NCKAP5: variants seen among roughly 807,000 people sequenced by gnomAD.
NCKAP5 encodes the protein nck-associated protein 5.
In NCKAP5, 92 loss-of-function variants were observed where a neutral mutation model predicts 167.0. The ratio of observed to expected loss-of-function variants is 0.55; its 90% CI spans 0.47 to 0.66. The LOEUF is 0.66. Ranked by LOEUF, NCKAP5 falls within the 30% of genes least tolerant of loss-of-function variation. NCKAP5 has a pLI of 0.00. For missense variants in NCKAP5, 2,378 were observed against 2,315.0 expected (o/e 1.03, Z -0.56); for synonymous variants, 891 against 877.4 (o/e 1.02, Z -0.27).
intron 3 of NCKAP5, among the ~76,000 whole-genome samples, chr2:133,514,070 G>C (rs1166635359): frequency 6.6e-6 from 1 of 152,140 alleles, no homozygotes; most frequent in African/African-American, 2.4e-5. Flanking sequence ...TCAAGAAGAG[G>C]ACTCGATTTC....
intron 5 of NCKAP5, among the ~76,000 whole-genome samples, chr2:133,151,444 C>T (rs1451904009): frequency 2.6e-5 from 4 of 151,958 alleles, no homozygotes; most frequent in African/African-American, 9.7e-5. Context: ...ATGCTTACAG[C>T]TCAACAATAA....
intron 10 of NCKAP5, among the ~76,000 whole-genome samples, chr2:132,867,880 G>A (rs1426414856): frequency 6.6e-6 from 1 of 152,078 alleles, no homozygotes; most frequent in Non-Finnish European, 1.5e-5. Flanking sequence ...CTACGTAAGT[G>A]TACTCAAATC....
rs1039944133 is a variant in NCKAP5, at chr2:133,343,110, T to C, written c.70-40000A>G. 3.6e-4 allele frequency among the ~76,000 whole-genome samples: 55 copies of C among 152,232 alleles called. 1 individual carries two copies. The highest frequency in any genetic ancestry group is 1.0e-3 in the African/African-American group (43 of 41,468). ...CATCACAGATTGTGTGGTACACTGA[T>C]GGACATGCTGTGTTAATGACTGCAT... is the stretch of plus-strand genomic sequence containing the variant. On this transcript the variant is annotated intron_variant, in intron 3 of 19. Transcript: ENST00000409261.
chr2:133,512,714 G>A (rs1683601295), intron 3 of NCKAP5, among the ~76,000 whole-genome samples: 4 of 152,240 alleles, frequency 2.6e-5, no homozygotes, highest in East Asian at 1.9e-4. Context: ...AAGTTTCCCT[G>A]GGAGAAAAAA....
intron 6 of NCKAP5, among the ~76,000 whole-genome samples, chr2:133,010,937 T>A (rs1184314468): frequency 5.3e-5 from 8 of 152,052 alleles, no homozygotes; most frequent in South Asian, 2.1e-4. Flanking sequence ...AACTAATTTT[T>A]AAAAAAATGT....
intron 19 of NCKAP5, among the ~76,000 whole-genome samples, chr2:132,713,085 T>C (rs1318232446): frequency 1.3e-5 from 2 of 148,282 alleles, no homozygotes; most frequent in Non-Finnish European, 3.0e-5. Flanking sequence ...GTGTACACAG[T>C]GTGCTCCCTT....
chr2:133,495,763 T>C (rs1681889170), intron 3 of NCKAP5, among the ~76,000 whole-genome samples: 1 of 152,168 alleles, frequency 6.6e-6, no homozygotes, highest in Admixed American at 6.5e-5. Context: ...GTAGTGTAAA[T>C]AGTAGATCTG....
At chr2:133,202,141 C>A (rs2085722110) in intron 5 of NCKAP5, among the ~76,000 whole-genome samples, 1 of 152,174 alleles carries the variant, frequency 6.6e-6, no homozygotes, top group South Asian at 2.1e-4. Context: ...AACTATACTA[C>A]AAGGCTACAG....
intron 3 of NCKAP5, among the ~76,000 whole-genome samples, chr2:133,511,859 A>G (rs1462159108): frequency 6.6e-6 from 1 of 152,218 alleles, no homozygotes; most frequent in East Asian, 1.9e-4. Context: ...GGCTTCCCAG[A>G]GGACAACTTG....
chr2:132,908,993 T>C (rs1278939932), intron 8 of NCKAP5, among the ~76,000 whole-genome samples: 1 of 152,212 alleles, frequency 6.6e-6, no homozygotes, highest in Non-Finnish European at 1.5e-5. Context: ...TTTGTTGAAA[T>C]CTTGGTGTGA....
At position 132,714,607 on chromosome 2, in the gene NCKAP5, T is replaced by C. The variant is rs1029353735; in HGVS notation, c.5713+11020A>G. On this transcript the variant is annotated intron_variant, in intron 19 of 19. Transcript: ENST00000409261. ...CCGAGGCTGGCGGATCACCTGAGGT[T>C]GGGAGTTTGAGACCAGCCTGACCAA... 9.9e-5 allele frequency among the ~76,000 whole-genome samples: 15 copies of C among 151,898 alleles called. No homozygotes were observed. In the East Asian group the frequency reaches 1.2e-3, roughly 12 times the overall value.
rs371797170 is a variant in NCKAP5, at chr2:133,492,144, AGT to A, written c.69+25312_69+25313del. Among the ~76,000 whole-genome samples, 170 of 141,506 alleles carry A rather than the reference AGT, an allele frequency of 1.2e-3. 1 individual carries two copies. Among genetic ancestry groups the A allele is most frequent in the Non-Finnish European group, 1.6e-3 (103 of 65,734 alleles). The allele number at this position is 141,506 out of a possible 152,430, so 92.8% of individuals were successfully genotyped here. A position where few individuals can be genotyped will look rare whatever the true frequency, so the allele number is the denominator to read the frequency against. ...CCTGTATCCTATGCCATATCTAGTT[AGT>A]GTGTGTGTGTGTGTGTGTGTGTGTT... On this transcript the variant is annotated intron_variant, in intron 3 of 19. Transcript: ENST00000409261.
At chr2:133,426,238 C>T (rs1282620791) in intron 3 of NCKAP5, among the ~76,000 whole-genome samples, 1 of 151,998 alleles carries the variant, frequency 6.6e-6, no homozygotes, top group Non-Finnish European at 1.5e-5. Flanking sequence ...CCATTACACT[C>T]CAGCCTGGGC....
chr2:132,987,358 C>A (rs2077318175), intron 7 of NCKAP5, among the ~76,000 whole-genome samples: 1 of 152,188 alleles, frequency 6.6e-6, no homozygotes, highest in African/African-American at 2.4e-5. Context: ...AGGAAGGTCT[C>A]AGGCCATGTC....
intron 11 of NCKAP5, among the ~76,000 whole-genome samples, chr2:132,852,252 A>G (rs1689132903): frequency 6.6e-6 from 1 of 152,226 alleles, no homozygotes; most frequent in East Asian, 1.9e-4. Flanking sequence ...TTGAAATATG[A>G]TAAAAATATA....
intron 6 of NCKAP5, among the ~76,000 whole-genome samples, chr2:133,025,184 A>C (rs1041087621): frequency 7.9e-5 from 12 of 152,326 alleles, no homozygotes; most frequent in African/African-American, 2.9e-4. Flanking sequence ...TTGAAGTATG[A>C]TGTTGCAAGA....
At chr2:133,211,086 C>A (rs1481772911) in intron 5 of NCKAP5, among the ~76,000 whole-genome samples, 8 of 151,184 alleles carry the variant, frequency 5.3e-5, no homozygotes, top group African/African-American at 1.9e-4. Flanking sequence ...CGCATGCAGT[C>A]CCCTGGCACT....
At chr2:133,142,490 G>A (rs945170488) in intron 5 of NCKAP5, among the ~76,000 whole-genome samples, 2 of 152,102 alleles carry the variant, frequency 1.3e-5, no homozygotes, top group Admixed American at 1.3e-4. Context: ...GTGTTCTCAG[G>A]TGCCCTTTTT....
chr2:132,977,446 C>A (rs1057463336), intron 7 of NCKAP5, among the ~76,000 whole-genome samples: 1 of 152,142 alleles, frequency 6.6e-6, no homozygotes, highest in African/African-American at 2.4e-5. Context: ...CACCCCCTGC[C>A]ACATGCATCT....
Sources: gnomAD v4.1 joint callset for allele counts (sites outside exome capture counted in the v4.1 genomes callset) on GRCh38, gnomAD v4.1.1 for gene constraint, MANE v1.5 for transcripts, NCBI Gene and HGNC (gene_info 2026-07-23, HGNC 2026-07-21) for gene names.